OR4Q3: variants seen among roughly 807,000 people sequenced by gnomAD.
OR4Q3 encodes the protein olfactory receptor family 4 subfamily Q member 3.
A neutral mutation model predicts 18.8 loss-of-function variants in OR4Q3; 17 were observed. The ratio of observed to expected loss-of-function variants is 0.91; its 90% CI spans 0.62 to 1.36. The LOEUF (loss-of-function observed/expected upper bound fraction) is 1.36, where lower values mean the gene tolerates loss of function less well. OR4Q3 is among the 40% of genes most tolerant of loss of function. OR4Q3 has a pLI of 0.00. For missense variants in OR4Q3, 378 were observed against 373.4 expected, an observed-to-expected ratio of 1.01 and a Z score of -0.10; for synonymous variants, 158 against 145.8, an observed-to-expected ratio of 1.08 and a Z score of -0.60.
chr14:19,745,387 T>G, intron 1 of OR4Q3, among the ~76,000 whole-genome samples: 1 of 152,212 alleles, frequency 6.6e-6, no homozygotes, highest in Non-Finnish European at 1.5e-5. Context: ...AATCTTTTCT[T>G]TCTCAGCATA....
At chr14:19,748,484 A>G in exon 2 of OR4Q3, 1 of 771,738 alleles carries the variant, frequency 1.3e-6, no homozygotes, top group Non-Finnish European at 2.0e-6. Flanking sequence ...AGGAGATAGC[A>G]TAAAGATTAT....
intron 1 of OR4Q3, among the ~76,000 whole-genome samples, chr14:19,744,469 C>T (rs376662066): frequency 1.3e-5 from 2 of 152,176 alleles, no homozygotes; most frequent in Admixed American, 6.6e-5. Context: ...TCCTCATAAA[C>T]ATCTCCGGTT....
At chr14:19,744,795 G>A in intron 1 of OR4Q3, among the ~76,000 whole-genome samples, 1 of 152,164 alleles carries the variant, frequency 6.6e-6, no homozygotes, top group Non-Finnish European at 1.5e-5. Flanking sequence ...TTTGGCAAGG[G>A]AAATTATGTT....
At chr14:19,745,214 A>G in intron 1 of OR4Q3, among the ~76,000 whole-genome samples, 2 of 152,220 alleles carry the variant, frequency 1.3e-5, no homozygotes, top group East Asian at 1.9e-4. Flanking sequence ...TATTTATAGT[A>G]CTGAAATTTC....
At chr14:19,750,869 T>A, downstream of OR4Q3, among the ~76,000 whole-genome samples, 1 of 152,202 alleles carries the variant, frequency 6.6e-6, no homozygotes, top group South Asian at 2.1e-4. Flanking sequence ...ATTTTCAGGG[T>A]TTTTTGCATA....
At chr14:19,745,856 G>T in intron 1 of OR4Q3, among the ~76,000 whole-genome samples, 9 of 152,136 alleles carry the variant, frequency 5.9e-5, no homozygotes, top group South Asian at 2.1e-4. Flanking sequence ...ACTCTAGAAA[G>T]TGAGGTGATT....
intron 1 of OR4Q3, among the ~76,000 whole-genome samples, chr14:19,746,215 A>T: frequency 1.3e-5 from 2 of 152,008 alleles, no homozygotes; most frequent in South Asian, 4.1e-4. Flanking sequence ...GTCTTATTTC[A>T]TATTTTGTCT....
In OR4Q3 at chr14:19,747,685, CCTACAGCA is replaced by C; in HGVS notation, c.283_290del (p.Leu95GlyfsTer23). On this transcript the variant is annotated frameshift_variant, in exon 2 of 2. Transcript: ENST00000642117. LOFTEE classifies it high-confidence loss of function. ...CTGTGCCAAAGATGTTAGGGGATTT[CCTACAGCA>C]GGGCAAGAGCATCTCTTTTTCAGGA... 1.2e-6 allele frequency: 2 copies of C among 1,614,040 alleles called. No individual in the cohort carries two copies. Among genetic ancestry groups the C allele is most frequent in the Non-Finnish European group, 1.7e-6 (2 of 1,179,958 alleles).
chr14:19,744,131 G>A (rs1454392559), intron 1 of OR4Q3, among the ~76,000 whole-genome samples: 1 of 152,212 alleles, frequency 6.6e-6, no homozygotes, highest in Non-Finnish European at 1.5e-5. Context: ...GAAGTTTAGA[G>A]CAGAAAGATT....
chr14:19,744,764 G>A, intron 1 of OR4Q3, among the ~76,000 whole-genome samples: 2 of 152,152 alleles, frequency 1.3e-5, no homozygotes, highest in African/African-American at 2.4e-5. Flanking sequence ...TTTGAATGTG[G>A]CTTTCCAAGC....
chr14:19,752,323 G>C, downstream of OR4Q3, among the ~76,000 whole-genome samples: 1 of 152,114 alleles, frequency 6.6e-6, no homozygotes, highest in East Asian at 1.9e-4. Flanking sequence ...TAATACAACA[G>C]ACAAAAAACA....
chr14:19,746,036 T>C, intron 1 of OR4Q3, among the ~76,000 whole-genome samples: 3 of 152,044 alleles, frequency 2.0e-5, no homozygotes, highest in African/African-American at 7.2e-5. Context: ...AGAGAAAGTT[T>C]TGTTGTCATT....
At chr14:19,747,301 C>T in intron 1 of OR4Q3, 105 bp from the exon 2 acceptor site, 3 of 524,502 alleles carry the variant, frequency 5.7e-6, no homozygotes, top group South Asian at 8.9e-5. Context: ...ATAAAACTTG[C>T]TAAAATAATT....
chr14:19,746,239 G>C, intron 1 of OR4Q3, among the ~76,000 whole-genome samples: 1 of 151,962 alleles, frequency 6.6e-6, no homozygotes, highest in African/African-American at 2.4e-5. Context: ...GCTGGTTTTA[G>C]ATAAAAAAAT....
In OR4Q3 at chr14:19,747,482, T is replaced by A; in HGVS notation, c.79T>A (p.Ser27Thr). The change falls in exon 2 of 2, where the codon TCT becomes ACT. Residue 27 changes from serine (S) to threonine (T), a missense_variant. Physicochemically the swap from Ser to Thr is moderately conservative, Grantham distance 58 (BLOSUM62 1). Coordinates refer to ENST00000642117, the Ensembl canonical transcript of OR4Q3. ...AGAATTTGTTCTTCTGGGCCTATCA[T>A]CTTCTTGGGAGCTGCAGCTATTTCT... The A allele has an allele frequency of 3.5e-5, 57 of 1,613,006 alleles. No homozygotes were observed. Among genetic ancestry groups the A allele is most frequent in the Admixed American group, 5.0e-5 (3 of 59,864 alleles).
downstream of OR4Q3, among the ~76,000 whole-genome samples, chr14:19,749,909 TTTTC>T: frequency 1.5e-5 from 2 of 135,950 alleles, no homozygotes; most frequent in African/African-American, 5.3e-5. Context: ...TTTCTTTCTT[TTTTC>T]TTTCTTTCTT....
chr14:19,747,050 A>G, intron 1 of OR4Q3, among the ~76,000 whole-genome samples: 1 of 152,224 alleles, frequency 6.6e-6, no homozygotes, highest in African/African-American at 2.4e-5. Context: ...TCCATTGATA[A>G]TGGTGGAGCT....
chr14:19,749,978 T>G, downstream of OR4Q3, among the ~76,000 whole-genome samples: 2 of 131,890 alleles, frequency 1.5e-5, no homozygotes, highest in Non-Finnish European at 3.2e-5. Context: ...TCTCTCTTTC[T>G]TTCTTTCTTC....
exon 2 of OR4Q3, chr14:19,748,006 C>T: frequency 9.9e-6 from 16 of 1,614,068 alleles, no homozygotes; most frequent in African/African-American, 1.3e-5. Flanking sequence ...GCATGGACAC[C>T]TATGTGGTAG....
Sources: allele counts gnomAD v4.1 joint callset (sites outside exome capture counted in the v4.1 genomes callset), GRCh38; gene constraint gnomAD v4.1.1; transcripts MANE v1.5; gene names NCBI Gene and HGNC (gene_info 2026-07-23, HGNC 2026-07-21).